Variants in RILPL1 observed in about 807,000 individuals in gnomAD.
RILPL1 encodes Rab interacting lysosomal protein like 1.
A neutral mutation model predicts 50.3 loss-of-function variants in RILPL1; 33 were observed. The observed-to-expected ratio is 0.66, with a 90% CI of 0.50 to 0.88. The LOEUF is 0.88. Among genes scored for constraint, RILPL1 ranks in the 40% least tolerant of loss-of-function variants. RILPL1 has a pLI of 0.00. For missense variants in RILPL1, 418 were observed against 542.5 expected (o/e 0.77, Z 2.28); for synonymous variants, 205 against 228.6 (o/e 0.90, Z 0.93).
chr12:123,477,333 CTTTCTTTTT>C (rs1260201013), intron 6 of RILPL1, among the ~76,000 whole-genome samples: 1 of 128,624 alleles, frequency 7.8e-6, no homozygotes, highest in East Asian at 2.5e-4. Flanking sequence ...TTCTTTCTTT[CTTTCTTTTT>C]TTTTTTTTTT....
chr12:123,522,352 G>A lies in RILPL1; in HGVS notation c.460+1143C>T, dbSNP rs903436475. ...ATTTGTCCTTTTCCCAGCACCAGCAGAGGCCCTGCATGAAGGTTCTAAACA... is the reference window on the plus strand; with the variant it reads ...ATTTGTCCTTTTCCCAGCACCAGCAAAGGCCCTGCATGAAGGTTCTAAACA... On this transcript the variant is annotated intron_variant, in intron 2 of 6. Transcript: ENST00000376874. This position sits in a 1 kb window ranked among gnomAD's most constrained non-coding sequence, Gnocchi z 4.0. Among the ~76,000 whole-genome samples the A allele has an allele frequency of 2.6e-5, 4 of 152,330 alleles. No homozygotes were observed. The highest frequency in any genetic ancestry group is 2.0e-4 in the Admixed American group (3 of 15,298).
chr12:123,506,491 C>A (rs1423970951), intron 2 of RILPL1, among the ~76,000 whole-genome samples: 1 of 152,174 alleles, frequency 6.6e-6, no homozygotes, highest in Non-Finnish European at 1.5e-5. Context: ...GACTTCCAGA[C>A]TTCCAGCAGG....
chr12:123,479,894 C>T (rs549960667), intron 6 of RILPL1, among the ~76,000 whole-genome samples: 3 of 152,306 alleles, frequency 2.0e-5, no homozygotes, highest in African/African-American at 7.2e-5. Flanking sequence ...AGGACAGACA[C>T]CACAGCCTAT....
At chr12:123,521,780 CT>C (rs1239306073) in intron 2 of RILPL1, among the ~76,000 whole-genome samples, 1 of 140,764 alleles carries the variant, frequency 7.1e-6, no homozygotes, top group Non-Finnish European at 1.5e-5. Context: ...TGTATATATA[CT>C]TTTTTTTTTG....
At chr12:123,492,628 T>A (rs1270304246) in intron 4 of RILPL1, among the ~76,000 whole-genome samples, 1 of 152,196 alleles carries the variant, frequency 6.6e-6, no homozygotes, top group East Asian at 1.9e-4. Context: ...AAGAACTGCA[T>A]GGCAATGATG....
chr12:123,498,395 A>T lies in RILPL1; in HGVS notation c.801+149T>A. 1 of 677,390 alleles carries T rather than the reference A, an allele frequency of 1.5e-6. No individual in the cohort carries two copies. The highest frequency in any genetic ancestry group is 2.7e-5 in the East Asian group (1 of 36,736). 42.0% of individuals were successfully genotyped at this position (677,390 alleles called of 1,614,324 possible). On this transcript the variant is annotated intron_variant, in intron 4 of 6. Coordinates refer to ENST00000376874, the MANE Select transcript of RILPL1 (RefSeq NM_178314.5). The surrounding 1 kb of genome is among the most constrained non-coding windows in gnomAD (Gnocchi z 4.3). ...CCACCACGCGTGGCTAATTAAAAAA[A>T]ATGTTTGTAGAGAATTGGGGTCTTG... is the stretch of plus-strand genomic sequence containing the variant.
chr12:123,498,378 C>T lies in RILPL1; in HGVS notation c.801+166G>A, dbSNP rs772684082. On this transcript the variant is annotated intron_variant, in intron 4 of 6. Coordinates refer to ENST00000376874, the MANE Select transcript of RILPL1 (RefSeq NM_178314.5). This position sits in a 1 kb window ranked among gnomAD's most constrained non-coding sequence, Gnocchi z 4.3. ...GGTACTACAGGTGTGCACCACCACG[C>T]GTGGCTAATTAAAAAAAATGTTTGT... is the stretch of plus-strand genomic sequence containing the variant. Among the ~76,000 whole-genome samples, 4 of 152,056 alleles carry T rather than the reference C, an allele frequency of 2.6e-5. No homozygotes were observed. The highest frequency in any genetic ancestry group is 3.4e-3 in the Middle Eastern group (1 of 294).
chr12:123,500,397 C>A lies in RILPL1; in HGVS notation c.461-861G>T, dbSNP rs368530208. Among the ~76,000 whole-genome samples the A allele has an allele frequency of 9.0e-4, 136 of 151,678 alleles. 1 individual carries two copies. Among genetic ancestry groups the A allele is most frequent in the Middle Eastern group, 3.4e-3 (1 of 294 alleles). ...CTCCTAGGCTCAAGTGATCTTCCCA[C>A]CTCAGCCTCCCAAGTAGCTCGAGGC... On this transcript the variant is annotated intron_variant, in intron 2 of 6. Transcript: ENST00000376874.
Position 123,498,466 on chromosome 12 carries a change from C to A in RILPL1, c.801+78G>T. On this transcript the variant is annotated intron_variant, in intron 4 of 6. Coordinates refer to ENST00000376874, the MANE Select transcript of RILPL1 (RefSeq NM_178314.5). This position sits in a 1 kb window ranked among gnomAD's most constrained non-coding sequence, Gnocchi z 4.3. Reference sequence around the variant, plus strand: ...ATTTTCTGAAGTATAATGGGGAAAACAAGGCAACCCTGCCTGCCTTAAGCC... The same window carrying A: ...ATTTTCTGAAGTATAATGGGGAAAAAAAGGCAACCCTGCCTGCCTTAAGCC... 7.5e-7 allele frequency: 1 copy of A among 1,328,886 alleles called. No individual in the cohort carries two copies. The highest frequency in any genetic ancestry group is 1.1e-6 in the Non-Finnish European group (1 of 938,590). 82.3% of individuals were successfully genotyped at this position (1,328,886 alleles called of 1,614,324 possible). A position where few individuals can be genotyped will look rare whatever the true frequency, so the allele number is the denominator to read the frequency against.
intron 6 of RILPL1, among the ~76,000 whole-genome samples, chr12:123,478,966 C>T (rs986131982): frequency 5.3e-5 from 8 of 152,206 alleles, no homozygotes; most frequent in East Asian, 3.9e-4. Flanking sequence ...GAACATCTTC[C>T]GGGCACACTG....
chr12:123,508,489 T>C (rs1219185941), intron 2 of RILPL1, among the ~76,000 whole-genome samples: 1 of 152,204 alleles, frequency 6.6e-6, no homozygotes, highest in Non-Finnish European at 1.5e-5. Context: ...AAGCATACAC[T>C]GTATGATTCC....
intron 2 of RILPL1, among the ~76,000 whole-genome samples, chr12:123,502,419 C>T (rs1489633657): frequency 6.6e-6 from 1 of 152,214 alleles, no homozygotes; most frequent in African/African-American, 2.4e-5. Flanking sequence ...GCGTGAAAAC[C>T]CTCTCTTCAT....
chr12:123,496,932 T>C (rs966926267), intron 4 of RILPL1, among the ~76,000 whole-genome samples: 1 of 152,224 alleles, frequency 6.6e-6, no homozygotes, highest in Non-Finnish European at 1.5e-5. Context: ...TCCATGCCCA[T>C]CGGCAGTCAC....
rs1228501118 is a variant in RILPL1, at chr12:123,533,640, G to C, written c.-158C>G. The stretch of plus-strand genomic sequence containing the variant: ...GCAGCGGGCAGCGGGCGGCGGGCGC[G>C]GGCGCGGGCACGGGCGGCGGCGCGG... On this transcript the variant is annotated 5_prime_UTR_variant, in exon 1 of 7. Coordinates refer to ENST00000376874, the MANE Select transcript of RILPL1 (RefSeq NM_178314.5). The surrounding 1 kb of genome is among the most constrained non-coding windows in gnomAD (Gnocchi z 6.2). 1 of 341,232 alleles carries C rather than the reference G, an allele frequency of 2.9e-6. No homozygotes were observed. Among genetic ancestry groups the C allele is most frequent in the African/African-American group, 2.2e-5 (1 of 44,454 alleles). 21.1% of individuals were successfully genotyped at this position (341,232 alleles called of 1,614,324 possible).
chr12:123,486,086 G>T (rs1349548236), intron 4 of RILPL1, among the ~76,000 whole-genome samples: 1 of 152,086 alleles, frequency 6.6e-6, no homozygotes, highest in Non-Finnish European at 1.5e-5. Context: ...AACATGACAA[G>T]GCATCCAGGG....
chr12:123,504,221 C>T (rs1230948919), intron 2 of RILPL1, among the ~76,000 whole-genome samples: 1 of 152,108 alleles, frequency 6.6e-6, no homozygotes, highest in African/African-American at 2.4e-5. Flanking sequence ...AAGGGGGAAA[C>T]GTCCCTCCTT....
In RILPL1 at chr12:123,485,108, G is replaced by C. The variant is rs1037897394; in HGVS notation, c.974+525C>G. The C allele has an allele frequency of 6.6e-6, 3 of 455,298 alleles. No individual in the cohort carries two copies. Among genetic ancestry groups the C allele is most frequent in the Non-Finnish European group, 1.3e-5 (3 of 226,276 alleles). The allele number at this position is 455,298 out of a possible 1,614,324, so 28.2% of individuals were successfully genotyped here. Reference sequence around the variant, plus strand: ...CTTCCTTCCAGCTTTCTATTCAACAGATATTTGTTGTGCACCTACTGTGTG... The same window carrying C: ...CTTCCTTCCAGCTTTCTATTCAACACATATTTGTTGTGCACCTACTGTGTG... On this transcript the variant is annotated intron_variant, in intron 5 of 6. Transcript: ENST00000376874. This position sits in a 1 kb window ranked among gnomAD's most constrained non-coding sequence, Gnocchi z 4.0.
intron 6 of RILPL1, chr12:123,475,878 G>T: frequency 1.7e-6 from 1 of 589,130 alleles, no homozygotes; most frequent in African/African-American, 1.9e-5. Flanking sequence ...TGTGTCACCT[G>T]CCTCTAAATT....
At chr12:123,521,582 T>TAC (rs536390976) in intron 2 of RILPL1, among the ~76,000 whole-genome samples, 1 of 41,062 alleles carries the variant, frequency 2.4e-5, no homozygotes, top group African/African-American at 6.9e-5. Flanking sequence ...TACACACATA[T>TAC]GTGTATATAT....
Sources: allele counts gnomAD v4.1 joint callset (sites outside exome capture counted in the v4.1 genomes callset), GRCh38; gene constraint gnomAD v4.1.1; non-coding constraint Gnocchi (gnomAD v3.1); transcripts MANE v1.5; gene names NCBI Gene and HGNC (gene_info 2026-07-23, HGNC 2026-07-21).